The following RBFOX1 variants were observed in gnomAD, a reference collection of about 807,000 sequenced individuals.
RBFOX1 encodes the protein RNA binding protein fox-1 homolog 1.
In RBFOX1, 8 loss-of-function variants were observed where a neutral mutation model predicts 57.7. That is an observed-to-expected ratio of 0.14 (90% CI 0.08 to 0.25). The LOEUF (loss-of-function observed/expected upper bound fraction) is 0.25. RBFOX1 is among the 10% of genes least tolerant of loss of function. The pLI is 1.00. For missense variants in RBFOX1, 611 were observed against 548.5 expected, an observed-to-expected ratio of 1.11 and a Z score of -1.14; for synonymous variants, 326 against 222.4, an observed-to-expected ratio of 1.47 and a Z score of -4.15.
intron 4 of RBFOX1, among the ~76,000 whole-genome samples, chr16:7,064,725 A>G (rs948590307): frequency 2.0e-5 from 3 of 152,192 alleles, no homozygotes; most frequent in Non-Finnish European, 4.4e-5. Context: ...CGTGAGAATC[A>G]AATACATTGC....
intron 4 of RBFOX1, among the ~76,000 whole-genome samples, chr16:7,078,373 A>C (rs768825852): frequency 2.0e-5 from 3 of 152,138 alleles, no homozygotes; most frequent in Admixed American, 6.5e-5. Context: ...ATTTAGATGG[A>C]GTGTCACTCT....
chr16:6,071,423 G>A (rs990660701), intron 1 of RBFOX1, among the ~76,000 whole-genome samples: 4 of 152,110 alleles, frequency 2.6e-5, no homozygotes, highest in Admixed American at 1.3e-4. Context: ...ATAAAAATGG[G>A]TACTAGGTCG....
chr16:6,559,783 C>G (rs1220658025), intron 2 of RBFOX1, among the ~76,000 whole-genome samples: 1 of 152,098 alleles, frequency 6.6e-6, no homozygotes, highest in Non-Finnish European at 1.5e-5. Flanking sequence ...GCCAGGCGCT[C>G]TTCCTGCATT....
chr16:7,287,441 A>G lies in RBFOX1; in HGVS notation c.28-230706A>G, dbSNP rs79534922. Among the ~76,000 whole-genome samples, 1,449 of 152,242 alleles carry G rather than the reference A, an allele frequency of 9.5e-3. 26 individuals are homozygous for G. The highest frequency in any genetic ancestry group is 0.033 in the African/African-American group (1,357 of 41,552). On this transcript the variant is annotated intron_variant, in intron 4 of 15. Transcript: ENST00000550418. ...CTAGAATCACCATCAAACTTGCTCT[A>G]AAGGACCAGGACAGCGAGTAGGTGC...
chr16:6,307,694 AATC>A (rs1320589664), intron 1 of RBFOX1, among the ~76,000 whole-genome samples: 9 of 147,352 alleles, frequency 6.1e-5, no homozygotes, highest in Non-Finnish European at 1.2e-4. Flanking sequence ...TATAAATGAT[AATC>A]ATTTATGTTA....
intron 3 of RBFOX1, among the ~76,000 whole-genome samples, chr16:6,817,720 A>C (rs2090404291): frequency 6.6e-6 from 1 of 152,026 alleles, no homozygotes; most frequent in East Asian, 1.9e-4. Context: ...AAAAAAACAA[A>C]CAAAAAAAAC....
At chr16:5,781,626 C>T (rs1258082686) in intron 3 of RBFOX1, among the ~76,000 whole-genome samples, 1 of 152,250 alleles carries the variant, frequency 6.6e-6, no homozygotes, top group Non-Finnish European at 1.5e-5. Flanking sequence ...TGAAAGCAGA[C>T]ATAGACGTGT....
At chr16:7,538,256 G>A (rs577976338) in intron 5 of RBFOX1, among the ~76,000 whole-genome samples, 3 of 152,166 alleles carry the variant, frequency 2.0e-5, no homozygotes, top group South Asian at 2.1e-4. Flanking sequence ...GAGTCCTTCC[G>A]CCATCAATAA....
At chr16:6,024,319 G>T (rs2095143892) in intron 1 of RBFOX1, among the ~76,000 whole-genome samples, 1 of 152,140 alleles carries the variant, frequency 6.6e-6, no homozygotes, top group Non-Finnish European at 1.5e-5. Context: ...TCATAAGCAA[G>T]ACGTTGAAAT....
chr16:7,232,654 C>A (rs766948847), intron 4 of RBFOX1, among the ~76,000 whole-genome samples: 5 of 151,976 alleles, frequency 3.3e-5, no homozygotes, highest in Non-Finnish European at 7.4e-5. Context: ...ACAGCCTGAC[C>A]AACATGGAGA....
At chr16:5,890,032 G>A (rs142730082) in intron 4 of RBFOX1, among the ~76,000 whole-genome samples, 1 of 152,172 alleles carries the variant, frequency 6.6e-6, no homozygotes, top group Non-Finnish European at 1.5e-5. Flanking sequence ...ATGACACACG[G>A]GGTGTGTTGA....
chr16:6,755,490 A>G (rs1014020356), intron 3 of RBFOX1, among the ~76,000 whole-genome samples: 10 of 152,150 alleles, frequency 6.6e-5, no homozygotes, highest in Non-Finnish European at 1.2e-4. Context: ...TTTTGGCTGC[A>G]TAAATGTCTC....
chr16:6,472,983 A>G (rs773829226), intron 2 of RBFOX1, among the ~76,000 whole-genome samples: 5 of 152,120 alleles, frequency 3.3e-5, no homozygotes, highest in Non-Finnish European at 7.4e-5. Flanking sequence ...GCATGATCAT[A>G]TAGGGATATC....
At chr16:5,568,604 G>T (rs1297252606) in intron 2 of RBFOX1, among the ~76,000 whole-genome samples, 2 of 152,154 alleles carry the variant, frequency 1.3e-5, no homozygotes, top group African/African-American at 4.8e-5. Flanking sequence ...TCTGTCTTCT[G>T]TTGTCTGCAG....
rs909764662 is a variant in RBFOX1 at position 7,148,751 on chromosome 16, G to T, written c.27+96653G>T. On this transcript the variant is annotated intron_variant, in intron 4 of 15. Coordinates refer to ENST00000550418, the MANE Select transcript of RBFOX1 (RefSeq NM_018723.4). ...AATCGTTTGAGCAGAAACCCGAAGA[G>T]GCCTGGGAGGCAGAGCTGCCTGAGA... Among the ~76,000 whole-genome samples the T allele has an allele frequency of 2.0e-5, 3 of 152,192 alleles. No homozygotes were observed. The East Asian group carries it at 5.8e-4, about 29-fold the overall frequency.
intron 4 of RBFOX1, among the ~76,000 whole-genome samples, chr16:7,250,451 A>G (rs767728720): frequency 1.8e-4 from 27 of 151,716 alleles, no homozygotes; most frequent in Non-Finnish European, 3.1e-4. Context: ...AGTGAACCAC[A>G]AGAGTTTCCT....
At chr16:5,287,967 A>G (rs1316865063) in intron 1 of RBFOX1, among the ~76,000 whole-genome samples, 1 of 152,208 alleles carries the variant, frequency 6.6e-6, no homozygotes. Flanking sequence ...TGTTGAATGC[A>G]CTTTTGCCTG....
At chr16:6,969,499 C>G (rs2085037233) in intron 3 of RBFOX1, among the ~76,000 whole-genome samples, 1 of 151,996 alleles carries the variant, frequency 6.6e-6, no homozygotes, top group Admixed American at 6.6e-5. Context: ...CTTCAGGAGG[C>G]CAACGTAGGT....
rs908979629 is a variant in RBFOX1 at position 6,320,791 on chromosome 16, TTTA to T, written c.-64+3749_-64+3751del. On this transcript the variant is annotated intron_variant, in intron 2 of 15. Coordinates refer to ENST00000550418, the MANE Select transcript of RBFOX1 (RefSeq NM_018723.4). ...CTGTTATTAAAAAAAAATTTGTTAC[TTTA>T]TTATTATTATTATTTATGAGACAGA... is the stretch of plus-strand genomic sequence containing the variant. Among the ~76,000 whole-genome samples, 14 of 152,034 alleles carry T rather than the reference TTTA, an allele frequency of 9.2e-5. 1 individual carries two copies. In the East Asian group the frequency reaches 2.5e-3, roughly 27 times the overall value.
Sources: gnomAD v4.1 joint callset for allele counts (sites outside exome capture counted in the v4.1 genomes callset) on GRCh38, gnomAD v4.1.1 for gene constraint, MANE v1.5 for transcripts, NCBI Gene and HGNC (gene_info 2026-07-23, HGNC 2026-07-21) for gene names.